The following MUSK variants were observed in gnomAD, a reference collection of about 807,000 sequenced individuals.
MUSK encodes the protein muscle, skeletal receptor tyrosine-protein kinase.
In MUSK, 55 loss-of-function variants were observed where a neutral mutation model predicts 88.7. The observed-to-expected ratio is 0.62, with a 90% confidence interval of 0.50 to 0.78. MUSK has a LOEUF of 0.78. Among genes scored for constraint, MUSK ranks in the 30% least tolerant of loss-of-function variants. The pLI, the probability that MUSK is intolerant of heterozygous loss-of-function variation, is 0.00. For missense variants in MUSK, 1,015 were observed against 1,074.3 expected, an observed-to-expected ratio of 0.94 and a Z score of 0.77; for synonymous variants, 387 against 391.9, an observed-to-expected ratio of 0.99 and a Z score of 0.15.
At chr9:110,735,022 G>A (rs1178489311) in intron 6 of MUSK, among the ~76,000 whole-genome samples, 1 of 152,066 alleles carries the variant, frequency 6.6e-6, no homozygotes, top group Non-Finnish European at 1.5e-5. Context: ...TGTGTATGGT[G>A]TCAAATGCCA....
intron 13 of MUSK, among the ~76,000 whole-genome samples, chr9:110,786,870 G>C (rs2132031306): frequency 6.6e-6 from 1 of 152,240 alleles, no homozygotes; most frequent in Middle Eastern, 3.4e-3. Flanking sequence ...CTTCGGCCTG[G>C]TGCTCTTGGG....
At chr9:110,757,461 A>AG (rs1222750487) in intron 7 of MUSK, among the ~76,000 whole-genome samples, 1 of 142,088 alleles carries the variant, frequency 7.0e-6, no homozygotes, top group East Asian at 2.0e-4. Flanking sequence ...TCTGTCTTGA[A>AG]AAAAAAAAAA....
Position 110,767,898 on chromosome 9 carries a change from T to A in MUSK, c.999T>A (p.Ala333=). The part of the protein sequence containing the change: ...EVCNAVLAKD[A]LVFLNTSYAD... ...GTAATGCAGTCCTGGCAAAAGATGCTCTTGTTTTTCTCAACACCTCCTATG... is the reference window on the plus strand; with the variant it reads ...GTAATGCAGTCCTGGCAAAAGATGCACTTGTTTTTCTCAACACCTCCTATG... The change falls in exon 9 of 15, where the codon GCT becomes GCA. Residue 333 remains alanine, a synonymous_variant. Transcript: ENST00000374448. The A allele has an allele frequency of 6.2e-7, 1 of 1,613,910 alleles. No individual in the cohort carries two copies. The highest frequency in any genetic ancestry group is 8.5e-7 in the Non-Finnish European group (1 of 1,179,864).
At chr9:110,698,099 G>A (rs376513851) in intron 5 of MUSK, among the ~76,000 whole-genome samples, 8 of 152,058 alleles carry the variant, frequency 5.3e-5, no homozygotes, top group East Asian at 1.9e-4. Flanking sequence ...CTTGTTAGTC[G>A]GGTCCTTCTT....
chr9:110,705,096 GAATT>G (rs371619427), intron 5 of MUSK, among the ~76,000 whole-genome samples: 1 of 151,882 alleles, frequency 6.6e-6, no homozygotes, highest in African/African-American at 2.4e-5. Context: ...TAATTAGGAA[GAATT>G]AATACATGTA....
intron 3 of MUSK, among the ~76,000 whole-genome samples, chr9:110,688,641 G>A (rs530694485): frequency 6.6e-6 from 1 of 151,758 alleles, no homozygotes; most frequent in African/African-American, 2.4e-5. Flanking sequence ...GACAGGCCCC[G>A]TGTGTGCTGT....
At chr9:110,745,045 A>T (rs2077156040) in intron 6 of MUSK, among the ~76,000 whole-genome samples, 1 of 152,218 alleles carries the variant, frequency 6.6e-6, no homozygotes, top group Non-Finnish European at 1.5e-5. Context: ...TCAAACTATG[A>T]CTAATGGGGC....
chr9:110,698,643 T>C (rs551910555), intron 5 of MUSK, among the ~76,000 whole-genome samples: 1 of 152,336 alleles, frequency 6.6e-6, no homozygotes, highest in African/African-American at 2.4e-5. Flanking sequence ...GTAACATCTT[T>C]ATTATGTCAT....
At position 110,802,601 on chromosome 9, in the gene MUSK, A is replaced by C. The variant is rs566535981; in HGVS notation, c.*1613A>C. 2.4e-4 allele frequency among the ~76,000 whole-genome samples: 37 copies of C among 152,300 alleles called. No individual in the cohort carries two copies. The highest frequency in any genetic ancestry group is 8.7e-4 in the African/African-American group (36 of 41,572). ...GTGTCTCCAGGCAACCAAGACAAAA[A>C]TGTAGAAATTTTCCTAGACTTTGCC... On this transcript the variant is annotated 3_prime_UTR_variant, in exon 15 of 15. Transcript: ENST00000374448.
At chr9:110,700,204 C>T (rs1406101705) in intron 5 of MUSK, among the ~76,000 whole-genome samples, 1 of 152,106 alleles carries the variant, frequency 6.6e-6, no homozygotes, top group African/African-American at 2.4e-5. Flanking sequence ...TAAAAAGTTC[C>T]ATTGAGGCTA....
intron 7 of MUSK, among the ~76,000 whole-genome samples, chr9:110,748,885 T>C (rs188572995): frequency 5.6e-4 from 85 of 152,264 alleles, no homozygotes; most frequent in African/African-American, 1.8e-3. Flanking sequence ...TAAGGTTCCC[T>C]CTCCTTTCTC....
chr9:110,679,038 C>A (rs78338807), intron 1 of MUSK, among the ~76,000 whole-genome samples: 3,164 of 151,992 alleles, frequency 0.021, 129 homozygotes, highest in African/African-American at 0.073. Context: ...TTGAATGTTT[C>A]ATCTATGCAT....
intron 8 of MUSK, among the ~76,000 whole-genome samples, chr9:110,765,081 T>C: frequency 6.6e-6 from 1 of 152,174 alleles, no homozygotes; most frequent in Non-Finnish European, 1.5e-5. Context: ...GTTTCCAGTT[T>C]TTTAAAAAAG....
At chr9:110,773,899 T>C (rs1405229778) in intron 9 of MUSK, among the ~76,000 whole-genome samples, 1 of 152,210 alleles carries the variant, frequency 6.6e-6, no homozygotes, top group East Asian at 1.9e-4. Context: ...ATTGTTGAGA[T>C]TCAAAATATT....
chr9:110,752,059 A>G (rs1226731233), intron 7 of MUSK, among the ~76,000 whole-genome samples: 1 of 152,062 alleles, frequency 6.6e-6, no homozygotes, highest in African/African-American at 2.4e-5. Context: ...GTTGATTCTC[A>G]CTGATTATTA....
intron 5 of MUSK, among the ~76,000 whole-genome samples, chr9:110,717,000 C>T (rs965702507): frequency 4.7e-5 from 7 of 149,524 alleles, no homozygotes; most frequent in African/African-American, 1.0e-4. Context: ...TCTTCTATCC[C>T]TTTCTTCCAA....
chr9:110,684,426 T>C (rs1447724873), intron 2 of MUSK, among the ~76,000 whole-genome samples: 1 of 152,074 alleles, frequency 6.6e-6, no homozygotes, highest in African/African-American at 2.4e-5. Flanking sequence ...ATGTGATTCC[T>C]CCAGTTTTTT....
intron 7 of MUSK, among the ~76,000 whole-genome samples, chr9:110,761,241 C>T (rs1436231679): frequency 6.6e-6 from 1 of 152,126 alleles, no homozygotes; most frequent in Non-Finnish European, 1.5e-5. Flanking sequence ...AGAGGAGAGG[C>T]GTATTCTCCT....
chr9:110,785,067 T>C, intron 12 of MUSK, 51 bp downstream of exon 12: 4 of 1,522,100 alleles, frequency 2.6e-6, no homozygotes, highest in Non-Finnish European at 3.6e-6. Flanking sequence ...TAAAGCCTTG[T>C]GTTTTATGGA....
Sources: gnomAD v4.1 joint callset for allele counts (sites outside exome capture counted in the v4.1 genomes callset) on GRCh38, gnomAD v4.1.1 for gene constraint, MANE v1.5 for transcripts, NCBI Gene and HGNC (gene_info 2026-07-23, HGNC 2026-07-21) for gene names.